The following HS2ST1 variants were observed in gnomAD, a reference collection of about 807,000 sequenced individuals.
HS2ST1 encodes the protein heparan sulfate 2-O-sulfotransferase 1.
In HS2ST1, 18 loss-of-function variants were observed where a neutral mutation model predicts 42.9. The ratio of observed to expected loss-of-function variants is 0.42; its 90% CI spans 0.29 to 0.62. HS2ST1 has a LOEUF of 0.62. Among genes scored for constraint, HS2ST1 ranks in the 20% least tolerant of loss-of-function variants. The pLI is 0.21. For synonymous variants in HS2ST1, 146 were observed against 152.9 expected, an observed-to-expected ratio of 0.95 and a Z score of 0.33; for missense variants, 334 against 433.8, an observed-to-expected ratio of 0.77 and a Z score of 2.04.
intron 1 of HS2ST1, among the ~76,000 whole-genome samples, chr1:86,981,024 G>A (rs1648563079): frequency 6.6e-6 from 1 of 152,092 alleles, no homozygotes; most frequent in Admixed American, 6.5e-5. Flanking sequence ...GGCTAGGGAG[G>A]CCTCAGGAAA....
chr1:87,017,386 C>G (rs1322614688), intron 1 of HS2ST1, among the ~76,000 whole-genome samples: 3 of 152,202 alleles, frequency 2.0e-5, no homozygotes, highest in Non-Finnish European at 4.4e-5. Context: ...ATCTGCCTGC[C>G]TCGGCCTCCC....
At chr1:87,048,430 T>C (rs1306160262) in intron 1 of HS2ST1, among the ~76,000 whole-genome samples, 1 of 152,200 alleles carries the variant, frequency 6.6e-6, no homozygotes, top group African/African-American at 2.4e-5. Flanking sequence ...GACAGTGTTG[T>C]GTAAAACTGA....
chr1:86,931,685 T>C (rs1570428898), intron 1 of HS2ST1, among the ~76,000 whole-genome samples: 1 of 152,128 alleles, frequency 6.6e-6, no homozygotes, highest in Non-Finnish European at 1.5e-5. Flanking sequence ...AAGGCTTTGA[T>C]TGTAAGTTCA....
intron 1 of HS2ST1, among the ~76,000 whole-genome samples, chr1:86,977,638 C>T (rs1296361025): frequency 6.6e-6 from 1 of 152,150 alleles, no homozygotes; most frequent in Non-Finnish European, 1.5e-5. Context: ...AATACCTAAG[C>T]AGCTTTTCAA....
At chr1:86,937,933 A>G (rs1261424122) in intron 1 of HS2ST1, among the ~76,000 whole-genome samples, 1 of 152,196 alleles carries the variant, frequency 6.6e-6, no homozygotes, top group African/African-American at 2.4e-5. Context: ...TCTTAACTAT[A>G]TAATAAAACT....
chr1:87,061,124 C>T (rs994914316), intron 1 of HS2ST1, among the ~76,000 whole-genome samples: 3 of 151,700 alleles, frequency 2.0e-5, no homozygotes, highest in African/African-American at 7.3e-5. Context: ...TGAAGATACT[C>T]AATAAATATT....
intron 5 of HS2ST1, among the ~76,000 whole-genome samples, chr1:87,102,729 T>C (rs1434716188): frequency 6.6e-6 from 1 of 152,190 alleles, no homozygotes; most frequent in Non-Finnish European, 1.5e-5. Context: ...TAGAAACCAA[T>C]TAATCACTGT....
chr1:86,976,072 A>G (rs750078752), intron 1 of HS2ST1, among the ~76,000 whole-genome samples: 3 of 152,192 alleles, frequency 2.0e-5, no homozygotes, highest in African/African-American at 7.2e-5. Flanking sequence ...TGATTATTAG[A>G]CTGAATTGCT....
At chr1:86,970,275 T>A (rs1648191964) in intron 1 of HS2ST1, among the ~76,000 whole-genome samples, 1 of 152,220 alleles carries the variant, frequency 6.6e-6, no homozygotes, top group South Asian at 2.1e-4. Context: ...TTAAAATAGT[T>A]TCCTCTGTAA....
chr1:86,920,412 T>G (rs1660268888), intron 1 of HS2ST1, among the ~76,000 whole-genome samples: 1 of 152,184 alleles, frequency 6.6e-6, no homozygotes, highest in South Asian at 2.1e-4. Context: ...TTTCCTCACT[T>G]CTGAAATCAT....
intron 1 of HS2ST1, among the ~76,000 whole-genome samples, chr1:87,014,169 A>T (rs1649683888): frequency 1.3e-5 from 2 of 152,176 alleles, no homozygotes; most frequent in South Asian, 4.1e-4. Context: ...GTCTGTTCTC[A>T]TGCTGCTAAT....
At chr1:87,046,155 C>A in intron 1 of HS2ST1, 1 of 743,252 alleles carries the variant, frequency 1.3e-6, no homozygotes, top group South Asian at 1.3e-5. Flanking sequence ...TGCCCAAAAC[C>A]GTGTTAATAG....
At position 86,931,850 on chromosome 1, in the gene HS2ST1, C is replaced by A. The variant is rs74920727; in HGVS notation, c.124+16690C>A. On this transcript the variant is annotated intron_variant, in intron 1 of 6. Coordinates refer to ENST00000370550, the MANE Select transcript of HS2ST1 (RefSeq NM_012262.4). ...TTCTTCTATCAAGTATATTTTGTTT[C>A]TGAGAGGATTAAAAATAACACGGTG... Among the ~76,000 whole-genome samples, 1,203 of 151,166 alleles carry A rather than the reference C, an allele frequency of 8.0e-3. 22 individuals carry two copies. Among genetic ancestry groups the A allele is most frequent in the African/African-American group, 0.028 (1,168 of 41,222 alleles).
At chr1:87,095,628 A>G (rs1020006627) in intron 4 of HS2ST1, among the ~76,000 whole-genome samples, 2 of 152,202 alleles carry the variant, frequency 1.3e-5, no homozygotes, top group Non-Finnish European at 2.9e-5. Flanking sequence ...AAAGATGAGC[A>G]TTGAATAACT....
chr1:87,018,743 G>C (rs757387900), intron 1 of HS2ST1, among the ~76,000 whole-genome samples: 3 of 152,084 alleles, frequency 2.0e-5, no homozygotes, highest in Non-Finnish European at 4.4e-5. Flanking sequence ...ATTCTTTCTT[G>C]GCCATTCCGT....
chr1:87,103,492 T>C lies in HS2ST1; in HGVS notation c.747T>C (p.Phe249=). The change falls in exon 6 of 7, where the codon TTT becomes TTC. Residue 249 remains phenylalanine (F), a synonymous_variant. Coordinates refer to ENST00000370550, the MANE Select transcript of HS2ST1 (RefSeq NM_012262.4). ...AGTATAACCTAATTAATGAATATTT[T>C]CTGGTGGGAGTTACTGAAGAACTTG... is the stretch of plus-strand genomic sequence containing the variant. The part of the protein sequence containing the change: ...QAKYNLINEY[F]LVGVTEELED... 3.1e-6 allele frequency: 5 copies of C among 1,613,322 alleles called. No individual in the cohort carries two copies. Among genetic ancestry groups the C allele is most frequent in the Non-Finnish European group, 4.2e-6 (5 of 1,179,640 alleles).
At chr1:86,972,552 A>G (rs1648263451) in intron 1 of HS2ST1, among the ~76,000 whole-genome samples, 1 of 152,116 alleles carries the variant, frequency 6.6e-6, no homozygotes, top group African/African-American at 2.4e-5. Context: ...TATTGTGCCT[A>G]ATTTGTAAAT....
chr1:86,955,860 G>A (rs1647663420), intron 1 of HS2ST1, among the ~76,000 whole-genome samples: 1 of 151,958 alleles, frequency 6.6e-6, no homozygotes. Context: ...GGTGGTGCAC[G>A]CCTGTGGCCC....
At chr1:87,045,236 C>T in intron 1 of HS2ST1, 1 of 1,039,470 alleles carries the variant, frequency 9.6e-7, no homozygotes, top group Non-Finnish European at 1.5e-6. Flanking sequence ...AACATCCTTT[C>T]CTAGGTCTTC....
Sources: gnomAD v4.1 joint callset for allele counts (sites outside exome capture counted in the v4.1 genomes callset) on GRCh38, gnomAD v4.1.1 for gene constraint, MANE v1.5 for transcripts, NCBI Gene and HGNC (gene_info 2026-07-23, HGNC 2026-07-21) for gene names.